The following CNTNAP2 variants were observed in gnomAD, a reference collection of about 807,000 sequenced individuals.
The protein encoded by CNTNAP2 is contactin-associated protein-like 2.
Under a neutral mutation model 155.2 loss-of-function variants are expected in CNTNAP2, and 98 were observed. The ratio of observed to expected loss-of-function variants is 0.63; its 90% CI spans 0.54 to 0.75. CNTNAP2 has a LOEUF of 0.75. Among genes scored for constraint, CNTNAP2 ranks in the 30% least tolerant of loss-of-function variants. The probability of loss-of-function intolerance (pLI) is 0.00; values close to 1 mark genes in which losing one functional copy is unlikely to be tolerated. For synonymous variants in CNTNAP2, 651 were observed against 631.2 expected (o/e 1.03, Z -0.47); for missense variants, 1,727 against 1,688.1 (o/e 1.02, Z -0.40).
Position 147,128,798 on chromosome 7 carries a change from G to A in CNTNAP2, c.1045G>A (p.Asp349Asn), listed in dbSNP as rs774084392. 3 of 1,613,946 alleles carry A rather than the reference G, an allele frequency of 1.9e-6. No homozygotes were observed. The African/African-American group carries it at 4.0e-5, about 22-fold the overall frequency. The part of the protein sequence containing the change: ...SINYNGVNIT[D>N]LARRKKLEPS... ...CAACTACAATGGCGTCAACATTACT[G>A]ATCTTGCCAGAAGGAAGAAATTAGA... Residue 349 changes from aspartate to asparagine, a missense_variant, in exon 7 of 24, where the codon GAT becomes AAT. Transcript: ENST00000361727.
At chr7:146,220,642 A>G (rs1339274942) in intron 1 of CNTNAP2, among the ~76,000 whole-genome samples, 1 of 152,228 alleles carries the variant, frequency 6.6e-6, no homozygotes, top group Non-Finnish European at 1.5e-5. Context: ...TGTGATTGTT[A>G]TGTAATAAAT....
intron 14 of CNTNAP2, among the ~76,000 whole-genome samples, chr7:147,931,909 A>G (rs557786941): frequency 1.3e-5 from 2 of 152,064 alleles, no homozygotes; most frequent in South Asian, 4.2e-4. Flanking sequence ...ATTTTGAGAC[A>G]GGGTCTCATT....
chr7:146,373,813 T>G (rs1490985764), intron 1 of CNTNAP2, among the ~76,000 whole-genome samples: 2 of 152,096 alleles, frequency 1.3e-5, no homozygotes, highest in Admixed American at 6.6e-5. Context: ...AAATAAAAGG[T>G]CATATACACG....
In CNTNAP2 at chr7:147,212,863, A is replaced by C. The variant is rs192805900; in HGVS notation, c.1348+80354A>C. Among the ~76,000 whole-genome samples, 374 of 152,310 alleles carry C rather than the reference A, an allele frequency of 2.5e-3. 4 individuals carry two copies. Among genetic ancestry groups the C allele is most frequent in the Non-Finnish European group, 4.6e-3 (312 of 68,016 alleles). On this transcript the variant is annotated intron_variant, in intron 8 of 23. Coordinates refer to ENST00000361727, the MANE Select transcript of CNTNAP2 (RefSeq NM_014141.6). ...ATAGAAAAATGAAATGTGAACACTA[A>C]GAGTTAACTTACACTAAAATATATT...
intron 1 of CNTNAP2, among the ~76,000 whole-genome samples, chr7:146,746,219 G>C (rs1302880150): frequency 6.6e-6 from 1 of 151,980 alleles, no homozygotes; most frequent in Non-Finnish European, 1.5e-5. Context: ...AAAATGTGTT[G>C]GTCATAAAAG....
chr7:147,773,535 G>A lies in CNTNAP2; in HGVS notation c.2099-130030G>A, dbSNP rs189577396. On this transcript the variant is annotated intron_variant, in intron 13 of 23. Transcript: ENST00000361727. ...CTTGAAATTAAAGATAAATGTGCTA[G>A]AACTAGTCATCAACATATAGTCCAA... Among the ~76,000 whole-genome samples the A allele has an allele frequency of 7.9e-5, 12 of 152,238 alleles. No homozygotes were observed. In the East Asian group the frequency reaches 1.7e-3, roughly 22 times the overall value.
chr7:147,222,101 C>T (rs1240999743), intron 8 of CNTNAP2, among the ~76,000 whole-genome samples: 1 of 151,888 alleles, frequency 6.6e-6, no homozygotes, highest in African/African-American at 2.4e-5. Flanking sequence ...TCTTTATGTT[C>T]TCTGAGGTTT....
Position 147,708,013 on chromosome 7 carries a change from G to A in CNTNAP2, c.2098+68707G>A, listed in dbSNP as rs151023245. On this transcript the variant is annotated intron_variant, in intron 13 of 23. Transcript: ENST00000361727. ...GTGGGGGAGAGAGCCAGGACTGGTG[G>A]ACCTGTCCTCAGACCTCCCAGTGGT... Among the ~76,000 whole-genome samples, 652 of 152,182 alleles carry A rather than the reference G, an allele frequency of 4.3e-3. 3 individuals are homozygous for A. The highest frequency in any genetic ancestry group is 0.015 in the African/African-American group (628 of 41,510).
intron 8 of CNTNAP2, among the ~76,000 whole-genome samples, chr7:147,274,767 T>C (rs1332384535): frequency 6.6e-6 from 1 of 152,088 alleles, no homozygotes; most frequent in African/African-American, 2.4e-5. Flanking sequence ...TTCAGAAGAA[T>C]TTTTCCTAGG....
intron 2 of CNTNAP2, among the ~76,000 whole-genome samples, chr7:146,837,751 C>G (rs111384027): frequency 0.024 from 3,633 of 152,158 alleles, 95 homozygotes; most frequent in African/African-American, 0.07. Context: ...TTTCAGTAAC[C>G]TTTGCTCAGG....
chr7:147,083,736 T>C (rs1175187469), intron 4 of CNTNAP2, among the ~76,000 whole-genome samples: 5 of 143,832 alleles, frequency 3.5e-5, no homozygotes, highest in Admixed American at 7.1e-5. Context: ...TGTATATACA[T>C]ATATGCTATA....
chr7:146,294,267 G>A (rs908501499), intron 1 of CNTNAP2, among the ~76,000 whole-genome samples: 3 of 152,122 alleles, frequency 2.0e-5, no homozygotes, highest in Non-Finnish European at 4.4e-5. Flanking sequence ...TTCACAATAT[G>A]CCCAGAACCC....
chr7:147,533,465 T>C (rs1799479503), intron 11 of CNTNAP2, among the ~76,000 whole-genome samples: 1 of 152,100 alleles, frequency 6.6e-6, no homozygotes, highest in South Asian at 2.1e-4. Flanking sequence ...TTATTGTGTA[T>C]ACTCTTTAGT....
In CNTNAP2 at chr7:147,128,853, G is replaced by T; in HGVS notation, c.1083+17G>T. ...TCAAATGTGGTAAGGATTTTCACCCGCAAAATATTGGTCTATAAAATATCA... is the reference window on the plus strand; with the variant it reads ...TCAAATGTGGTAAGGATTTTCACCCTCAAAATATTGGTCTATAAAATATCA... On this transcript the variant is annotated intron_variant, in intron 7 of 23. Coordinates refer to ENST00000361727, the MANE Select transcript of CNTNAP2 (RefSeq NM_014141.6). 1.9e-6 allele frequency: 3 copies of T among 1,613,600 alleles called. No individual in the cohort carries two copies. The highest frequency in any genetic ancestry group is 2.2e-5 in the East Asian group (1 of 44,854).
chr7:148,233,612 C>T (rs1436800455), intron 20 of CNTNAP2, among the ~76,000 whole-genome samples: 1 of 152,218 alleles, frequency 6.6e-6, no homozygotes, highest in Non-Finnish European at 1.5e-5. Flanking sequence ...GCATACTCCA[C>T]TTATACAACA....
chr7:147,015,525 A>G (rs1320351812), intron 3 of CNTNAP2, among the ~76,000 whole-genome samples: 1 of 152,120 alleles, frequency 6.6e-6, no homozygotes, highest in Non-Finnish European at 1.5e-5. Flanking sequence ...GGGAATAATG[A>G]TAATATAATC....
chr7:146,840,044 G>A (rs1803691039), intron 3 of CNTNAP2, 140 bp downstream of exon 3: 3 of 1,032,390 alleles, frequency 2.9e-6, no homozygotes, highest in African/African-American at 3.2e-5. Flanking sequence ...CATTGTTGAT[G>A]GAAGAAAGTT....
intron 5 of CNTNAP2, among the ~76,000 whole-genome samples, chr7:147,115,773 A>T (rs963373888): frequency 6.6e-6 from 1 of 152,030 alleles, no homozygotes; most frequent in Admixed American, 6.6e-5. Flanking sequence ...TACTTCAGTG[A>T]AGTTTGTTAT....
At chr7:147,563,627 C>CAATAAATAAATA (rs35385008) in intron 12 of CNTNAP2, among the ~76,000 whole-genome samples, 28,068 of 148,966 alleles carry the variant, frequency 0.19, 2,831 homozygotes, top group Admixed American at 0.27. Flanking sequence ...GACTCCATCT[C>CAATAAATAAATA]AATAAATAAA....
Sources: allele counts gnomAD v4.1 joint callset (sites outside exome capture counted in the v4.1 genomes callset), GRCh38; gene constraint gnomAD v4.1.1; transcripts MANE v1.5; gene names NCBI Gene and HGNC (gene_info 2026-07-23, HGNC 2026-07-21).